The following EPN2 variants were observed in gnomAD, a reference collection of about 807,000 sequenced individuals.
The protein encoded by EPN2 is epsin-2.
EPN2 carries 34 observed loss-of-function variants against 61.7 expected under a neutral mutation model. That is an observed-to-expected ratio of 0.55 (90% CI 0.42 to 0.73). The LOEUF (loss-of-function observed/expected upper bound fraction) is 0.73, where lower values mean the gene tolerates loss of function less well. Ranked by LOEUF, EPN2 falls within the 30% of genes least tolerant of loss-of-function variation. The probability of loss-of-function intolerance (pLI) is 0.00; values close to 1 mark genes in which losing one functional copy is unlikely to be tolerated. For missense variants in EPN2, 714 were observed against 839.2 expected (o/e 0.85, Z 1.84); for synonymous variants, 349 against 353.6 (o/e 0.99, Z 0.15).
intron 7 of EPN2, among the ~76,000 whole-genome samples, chr17:19,317,621 C>T (rs1404104058): frequency 6.6e-6 from 1 of 152,124 alleles, no homozygotes; most frequent in African/African-American, 2.4e-5. Context: ...GTGAATGGGC[C>T]CCACAGAGGA....
rs770772265 is a variant in EPN2, at chr17:19,313,240, G to T, written c.1108G>T (p.Ala370Ser). The change falls in exon 7 of 11, where the codon GCG becomes TCG. Residue 370 changes from alanine (A) to serine (S), a missense_variant. Ala to Ser is a moderately conservative substitution (Grantham distance 99). Coordinates refer to ENST00000314728, the MANE Select transcript of EPN2 (RefSeq NM_014964.5). ...CCAGACCAACCCCTGGGGCGGGCCA[G>T]CGGCTCCTGCGAGTACTTCAGACCC... Reference protein sequence around the residue: ...TNQTNPWGGPAAPASTSDPWP... With the variant: ...TNQTNPWGGPSAPASTSDPWP... The T allele has an allele frequency of 6.3e-7, 1 of 1,586,892 alleles. No homozygotes were observed. Among genetic ancestry groups the T allele is most frequent in the South Asian group, 1.1e-5 (1 of 87,794 alleles).
At chr17:19,301,160 C>G (rs1268184338) in intron 4 of EPN2, among the ~76,000 whole-genome samples, 1 of 152,106 alleles carries the variant, frequency 6.6e-6, no homozygotes, top group Non-Finnish European at 1.5e-5. Context: ...TGCTGTGTCA[C>G]CCCAGTCTCT....
At chr17:19,319,901 C>T (rs1402419219) in intron 7 of EPN2, among the ~76,000 whole-genome samples, 2 of 152,194 alleles carry the variant, frequency 1.3e-5, no homozygotes, top group Non-Finnish European at 2.9e-5. Context: ...GCCTCGGCCT[C>T]CCCAAGTGTT....
chr17:19,328,740 TG>T lies in EPN2; in HGVS notation c.1183del (p.Val395CysfsTer56), dbSNP rs1907015832. 6.2e-7 allele frequency: 1 copy of T among 1,612,346 alleles called. No homozygotes were observed. The highest frequency in any genetic ancestry group is 1.1e-5 in the South Asian group (1 of 90,762). The part of the protein sequence containing the change: ...GTKPAASIDP[W>X]GVPTGATVQS... ...CAAGCCAGCTGCCTCCATTGACCCA[TG>T]GGGGGTGCCCACTGGAGCCACCGTA... is the stretch of plus-strand genomic sequence containing the variant. On this transcript the variant is annotated frameshift_variant, in exon 8 of 11. Coordinates refer to ENST00000314728, the MANE Select transcript of EPN2 (RefSeq NM_014964.5). LOFTEE classifies it high-confidence loss of function.
At chr17:19,327,072 G>A (rs889830041) in intron 7 of EPN2, among the ~76,000 whole-genome samples, 3 of 152,144 alleles carry the variant, frequency 2.0e-5, no homozygotes, top group East Asian at 1.9e-4. Flanking sequence ...CTCCTGGGGC[G>A]GCAAGACTGG....
At chr17:19,322,316 T>TTGGCC (rs1284677730) in intron 7 of EPN2, among the ~76,000 whole-genome samples, 7 of 152,150 alleles carry the variant, frequency 4.6e-5, no homozygotes, top group African/African-American at 1.7e-4. Flanking sequence ...GACATCTGCT[T>TTGGCC]TGGCCTGGCC....
intron 7 of EPN2, 99 bp downstream of exon 7, chr17:19,313,378 T>C: frequency 1.7e-6 from 2 of 1,173,360 alleles, no homozygotes; most frequent in South Asian, 1.7e-5. Flanking sequence ...GTCTGGTCGA[T>C]TGTGGTGGGT....
intron 10 of EPN2, among the ~76,000 whole-genome samples, chr17:19,332,350 C>G (rs922250582): frequency 8.5e-5 from 13 of 152,052 alleles, no homozygotes; most frequent in Admixed American, 2.0e-4. Context: ...GTTGTGAGAC[C>G]CTCGAGGGAA....
At chr17:19,332,853 C>T (rs1907226035) in intron 10 of EPN2, among the ~76,000 whole-genome samples, 1 of 152,232 alleles carries the variant, frequency 6.6e-6, no homozygotes, top group South Asian at 2.1e-4. Context: ...CCTTGGGCTT[C>T]CCCCAGGGCA....
chr17:19,335,349 A>C lies in EPN2; in HGVS notation c.*1095A>C, dbSNP rs1042367454. ...TCCTGAAAGTTAAAGAAAAAAATCT[A>C]ATGTATGAATGTGACTCACCAATTT... On this transcript the variant is annotated 3_prime_UTR_variant, in exon 11 of 11. Coordinates refer to ENST00000314728, the MANE Select transcript of EPN2 (RefSeq NM_014964.5). 6.6e-7 allele frequency: 1 copy of C among 1,508,724 alleles called. No homozygotes were observed. The highest frequency in any genetic ancestry group is 8.9e-7 in the Non-Finnish European group (1 of 1,118,178). The allele number at this position is 1,508,724 out of a possible 1,614,324, so 93.5% of individuals were successfully genotyped here. A position where few individuals can be genotyped will look rare whatever the true frequency, so the allele number is the denominator to read the frequency against.
chr17:19,310,571 C>CTTTTTTTTTTTTTTTTTTT (rs71155391), intron 5 of EPN2, among the ~76,000 whole-genome samples: 4 of 80,912 alleles, frequency 4.9e-5, no homozygotes, highest in African/African-American at 1.0e-4. Context: ...CTCCTTCTTT[C>CTTTTTTTTTTTTTTTTTTT]TTTTTTTTTT....
At chr17:19,333,541 C>G (rs183177635) in intron 10 of EPN2, among the ~76,000 whole-genome samples, 2 of 152,118 alleles carry the variant, frequency 1.3e-5, no homozygotes, top group Non-Finnish European at 2.9e-5. Flanking sequence ...TATGTGGATC[C>G]CTGGGTGCAT....
chr17:19,312,190 T>G, intron 6 of EPN2, 46 bp downstream of exon 6: 1 of 1,412,276 alleles, frequency 7.1e-7, no homozygotes, highest in Non-Finnish European at 1.0e-6. Flanking sequence ...GTCCTGTAGT[T>G]GTTGCCTCAA....
intron 4 of EPN2, among the ~76,000 whole-genome samples, chr17:19,290,958 G>T (rs892803978): frequency 6.6e-6 from 1 of 152,196 alleles, no homozygotes; most frequent in African/African-American, 2.4e-5. Flanking sequence ...AAATGACAGG[G>T]ATTCCTTTGG....
rs909006229 is a variant in EPN2, at chr17:19,285,130, T to C, written c.596-490T>C. Among the ~76,000 whole-genome samples the C allele has an allele frequency of 8.5e-5, 13 of 152,346 alleles. No homozygotes were observed. The highest frequency in any genetic ancestry group is 5.9e-4 in the Admixed American group (9 of 15,304). ...GAGTTGGTCCCAACCTGCCTTGACT[T>C]CCTCTGTCCCTGTGACTGTGGCTGT... On this transcript the variant is annotated intron_variant, in intron 3 of 10. Transcript: ENST00000314728. The surrounding 1 kb of genome is among the most constrained non-coding windows in gnomAD (Gnocchi z 4.5).
intron 3 of EPN2, among the ~76,000 whole-genome samples, chr17:19,284,627 G>A (rs1454208710): frequency 1.3e-5 from 2 of 152,176 alleles, no homozygotes; most frequent in African/African-American, 4.8e-5. Context: ...TGTCAGCATA[G>A]CAGAAAACTT....
intron 1 of EPN2, chr17:19,257,779 A>G (rs904707309): frequency 5.9e-5 from 9 of 152,108 alleles, no homozygotes; most frequent in African/African-American, 2.2e-4. Context: ...TGGCCTCCCA[A>G]AGTGCTGGGA....
chr17:19,252,705 G>C (rs1193376440), intron 1 of EPN2, among the ~76,000 whole-genome samples: 1 of 152,022 alleles, frequency 6.6e-6, no homozygotes, highest in African/African-American at 2.4e-5. Context: ...TTGATTGATT[G>C]ACTGAGATAG....
chr17:19,284,196 CA>C (rs756751777), intron 3 of EPN2, among the ~76,000 whole-genome samples: 3 of 152,142 alleles, frequency 2.0e-5, no homozygotes, highest in Non-Finnish European at 2.9e-5. Context: ...TCTACTTCAG[CA>C]AAAAAACTTG....
Sources: gnomAD v4.1 joint callset for allele counts (sites outside exome capture counted in the v4.1 genomes callset) on GRCh38, gnomAD v4.1.1 for gene constraint, Gnocchi (gnomAD v3.1) non-coding constraint, MANE v1.5 for transcripts, NCBI Gene and HGNC (gene_info 2026-07-23, HGNC 2026-07-21) for gene names.